Variants in ASCC3 observed in about 807,000 individuals in gnomAD.
ASCC3 encodes ASC-1 complex subunit P200.
ASCC3 carries 158 observed loss-of-function variants against 256.3 expected under a neutral mutation model. The ratio of observed to expected loss-of-function variants is 0.62; its 90% CI spans 0.54 to 0.70. The LOEUF (loss-of-function observed/expected upper bound fraction) is 0.70. Ranked by LOEUF, ASCC3 falls within the 30% of genes least tolerant of loss-of-function variation. The probability of loss-of-function intolerance (pLI) is 0.00; values close to 1 mark genes in which losing one functional copy is unlikely to be tolerated. For synonymous variants in ASCC3, 948 were observed against 883.4 expected, an observed-to-expected ratio of 1.07 and a Z score of -1.30; for missense variants, 2,259 against 2,626.0, an observed-to-expected ratio of 0.86 and a Z score of 3.05.
chr6:100,606,696 G>A, intron 32 of ASCC3, 44 bp downstream of exon 32: 1 of 1,559,180 alleles, frequency 6.4e-7, no homozygotes, highest in Non-Finnish European at 8.6e-7. Flanking sequence ...TTTACTCAGG[G>A]TAAAATAGAG....
intron 13 of ASCC3, among the ~76,000 whole-genome samples, chr6:100,690,404 G>A (rs1409512184): frequency 6.6e-6 from 1 of 151,890 alleles, no homozygotes; most frequent in African/African-American, 2.4e-5. Context: ...CAAGAATAAA[G>A]GAAGCATCCT....
Position 100,610,248 on chromosome 6 carries a change from T to C in ASCC3, c.4786-3160A>G, listed in dbSNP as rs188379405. The stretch of plus-strand genomic sequence containing the variant: ...TTTTCTATTAGCAACCTCTAATATA[T>C]ATAAGCATGCTTGCAATATACTTAG... On this transcript the variant is annotated intron_variant, in intron 30 of 41. Coordinates refer to ENST00000369162, the MANE Select transcript of ASCC3 (RefSeq NM_006828.4). Among the ~76,000 whole-genome samples, 389 of 152,326 alleles carry C rather than the reference T, an allele frequency of 2.6e-3. 1 individual carries two copies. Among genetic ancestry groups the C allele is most frequent in the Middle Eastern group, 6.8e-3 (2 of 294 alleles).
chr6:100,512,937 G>T lies in ASCC3; in HGVS notation c.6076-19C>A. The T allele has an allele frequency of 6.2e-7, 1 of 1,604,982 alleles. No individual in the cohort carries two copies. Among genetic ancestry groups the T allele is most frequent in the Non-Finnish European group, 8.5e-7 (1 of 1,174,184 alleles). ...TCCATGCCTAAATAAAAAGAGAAAA[G>T]AAACAATAAAGGAGGAGTTTATGTG... On this transcript the variant is annotated intron_variant, in intron 39 of 41. Transcript: ENST00000369162.
At chr6:100,580,424 T>G (rs1771156657) in intron 36 of ASCC3, among the ~76,000 whole-genome samples, 1 of 151,998 alleles carries the variant, frequency 6.6e-6, no homozygotes, top group Non-Finnish European at 1.5e-5. Flanking sequence ...TGAAGAGAAA[T>G]AATGGGTTTA....
intron 25 of ASCC3, among the ~76,000 whole-genome samples, chr6:100,632,867 G>T (rs1774628982): frequency 6.6e-6 from 1 of 152,052 alleles, no homozygotes; most frequent in Non-Finnish European, 1.5e-5. Context: ...AAAATTCTTA[G>T]AAGAAAACAT....
intron 34 of ASCC3, among the ~76,000 whole-genome samples, chr6:100,592,625 T>G (rs541528607): frequency 2.0e-5 from 3 of 152,210 alleles, no homozygotes; most frequent in South Asian, 4.1e-4. Context: ...ATTTATATGC[T>G]CTCGATTAGT....
intron 12 of ASCC3, among the ~76,000 whole-genome samples, chr6:100,716,505 T>C (rs1352506829): frequency 6.6e-6 from 1 of 151,916 alleles, no homozygotes; most frequent in South Asian, 2.1e-4. Context: ...TTCATTAATG[T>C]AAACATTTTA....
At chr6:100,800,959 T>C (rs1769887846) in intron 5 of ASCC3, among the ~76,000 whole-genome samples, 2 of 152,072 alleles carry the variant, frequency 1.3e-5, no homozygotes, top group Admixed American at 6.6e-5. Context: ...GTTGCACATA[T>C]GTTACTACTT....
chr6:100,775,290 TAG>T (rs1216423054), intron 8 of ASCC3, among the ~76,000 whole-genome samples: 3 of 152,098 alleles, frequency 2.0e-5, no homozygotes, highest in African/African-American at 7.2e-5. Flanking sequence ...TAAGAAGGCT[TAG>T]ATTTAAATTA....
At chr6:100,826,364 C>T (rs1025251201) in intron 4 of ASCC3, among the ~76,000 whole-genome samples, 1 of 152,138 alleles carries the variant, frequency 6.6e-6, no homozygotes, top group South Asian at 2.1e-4. Context: ...AACTCCTGAC[C>T]TTGTGATCTG....
intron 30 of ASCC3, among the ~76,000 whole-genome samples, chr6:100,622,256 CCA>C (rs1773987840): frequency 2.0e-5 from 3 of 151,874 alleles, no homozygotes; most frequent in African/African-American, 7.3e-5. Context: ...CCCATAATCC[CCA>C]CATGTTACGG....
chr6:100,703,557 T>A (rs1206128156), intron 13 of ASCC3, among the ~76,000 whole-genome samples: 2 of 152,046 alleles, frequency 1.3e-5, no homozygotes, highest in Non-Finnish European at 2.9e-5. Flanking sequence ...TTATTGCTTT[T>A]GAATTACAAT....
chr6:100,765,798 T>C (rs780850324), intron 10 of ASCC3, among the ~76,000 whole-genome samples: 6 of 152,230 alleles, frequency 3.9e-5, no homozygotes, highest in Non-Finnish European at 8.8e-5. Flanking sequence ...TATTTTGCTA[T>C]GGGGGCCCTA....
intron 34 of ASCC3, among the ~76,000 whole-genome samples, chr6:100,596,384 T>C (rs1399860310): frequency 6.6e-6 from 1 of 152,190 alleles, no homozygotes; most frequent in Non-Finnish European, 1.5e-5. Context: ...GAAATACTTA[T>C]CTTTTTGATG....
At chr6:100,800,693 G>A (rs377343221) in intron 5 of ASCC3, among the ~76,000 whole-genome samples, 189 bp from the exon 6 acceptor site, 1 of 151,286 alleles carries the variant, frequency 6.6e-6, no homozygotes, top group Non-Finnish European at 1.5e-5. Context: ...AAAATTACAC[G>A]GTGGTTTAAG....
chr6:100,813,287 C>T, intron 4 of ASCC3, among the ~76,000 whole-genome samples: 1 of 151,960 alleles, frequency 6.6e-6, no homozygotes, highest in East Asian at 1.9e-4. Flanking sequence ...GAATGCCTGT[C>T]TCTACTAAAA....
intron 13 of ASCC3, among the ~76,000 whole-genome samples, chr6:100,692,249 C>T (rs1052534363): frequency 3.9e-5 from 6 of 151,980 alleles, no homozygotes; most frequent in African/African-American, 1.4e-4. Flanking sequence ...GTTCTCAATG[C>T]TGTTTTTCAT....
At chr6:100,617,747 A>G (rs1306942524) in intron 30 of ASCC3, among the ~76,000 whole-genome samples, 1 of 152,192 alleles carries the variant, frequency 6.6e-6, no homozygotes, top group African/African-American at 2.4e-5. Context: ...TCTCTTCTAC[A>G]GTGTTTTAGG....
chr6:100,809,815 G>A (rs1191752693), intron 4 of ASCC3, among the ~76,000 whole-genome samples: 4 of 152,014 alleles, frequency 2.6e-5, no homozygotes, highest in African/African-American at 9.7e-5. Context: ...AGTATATGAA[G>A]TAAATGGATG....
Sources: allele counts gnomAD v4.1 joint callset (sites outside exome capture counted in the v4.1 genomes callset), GRCh38; gene constraint gnomAD v4.1.1; transcripts MANE v1.5; gene names NCBI Gene and HGNC (gene_info 2026-07-23, HGNC 2026-07-21).